Variants in TAFA1 observed in about 807,000 individuals in gnomAD.
The protein encoded by TAFA1 is chemokine-like protein TAFA-1.
In TAFA1, 4 loss-of-function variants were observed where a neutral mutation model predicts 18.5. The ratio of observed to expected loss-of-function variants is 0.22; its 90% CI spans 0.11 to 0.49. The LOEUF (loss-of-function observed/expected upper bound fraction) is 0.49. TAFA1 is among the 20% of genes least tolerant of loss of function. The pLI is 0.98. For synonymous variants in TAFA1, 56 were observed against 55.2 expected (o/e 1.01, Z -0.06); for missense variants, 147 against 169.0 (o/e 0.87, Z 0.72).
At chr3:68,442,845 CA>C (rs1444566394) in intron 3 of TAFA1, among the ~76,000 whole-genome samples, 1 of 152,160 alleles carries the variant, frequency 6.6e-6, no homozygotes, top group East Asian at 1.9e-4. Flanking sequence ...TTCTCTCCAT[CA>C]GATAGCTGAT....
At chr3:68,421,466 A>G (rs1000684993) in intron 3 of TAFA1, among the ~76,000 whole-genome samples, 6 of 152,306 alleles carry the variant, frequency 3.9e-5, no homozygotes, top group African/African-American at 1.4e-4. Flanking sequence ...ACTATAAATT[A>G]AAATTTCAGT....
intron 2 of TAFA1, among the ~76,000 whole-genome samples, chr3:68,287,160 G>A (rs1050598488): frequency 1.3e-5 from 2 of 152,070 alleles, no homozygotes; most frequent in Non-Finnish European, 2.9e-5. Flanking sequence ...CTTTCCTTTT[G>A]CTTTTCCTTA....
At chr3:68,372,943 G>C (rs905243400) in intron 2 of TAFA1, among the ~76,000 whole-genome samples, 1 of 152,132 alleles carries the variant, frequency 6.6e-6, no homozygotes, top group Non-Finnish European at 1.5e-5. Context: ...AAACAGGAAG[G>C]CCGCTGCCTG....
chr3:68,382,617 C>G (rs1559643555), intron 2 of TAFA1, among the ~76,000 whole-genome samples: 1 of 151,374 alleles, frequency 6.6e-6, no homozygotes, highest in Non-Finnish European at 1.5e-5. Flanking sequence ...TTTTGCAGCC[C>G]TGTATTATAG....
At chr3:68,534,911 C>T (rs1445696157) in intron 3 of TAFA1, among the ~76,000 whole-genome samples, 4 of 151,924 alleles carry the variant, frequency 2.6e-5, no homozygotes, top group African/African-American at 9.7e-5. Flanking sequence ...AAAAAGCTGA[C>T]CCCACTGGCG....
chr3:68,108,170 G>A (rs2065224344), intron 2 of TAFA1, among the ~76,000 whole-genome samples: 1 of 151,892 alleles, frequency 6.6e-6, no homozygotes, highest in Admixed American at 6.6e-5. Context: ...TGTGTCAAAT[G>A]GTATATAATA....
At chr3:68,370,115 C>G (rs1045865830) in intron 2 of TAFA1, among the ~76,000 whole-genome samples, 2 of 148,400 alleles carry the variant, frequency 1.3e-5, no homozygotes, top group African/African-American at 5.0e-5. Context: ...GGTGAAACCC[C>G]GTCTCTAATA....
At chr3:68,358,938 G>T (rs2106789575) in intron 2 of TAFA1, among the ~76,000 whole-genome samples, 1 of 152,068 alleles carries the variant, frequency 6.6e-6, no homozygotes, top group Non-Finnish European at 1.5e-5. Flanking sequence ...CATCCAACTT[G>T]ATTTAGAATT....
intron 2 of TAFA1, among the ~76,000 whole-genome samples, chr3:68,190,911 G>A (rs1045648446): frequency 6.6e-6 from 1 of 151,730 alleles, no homozygotes; most frequent in African/African-American, 2.4e-5. Context: ...CCATCCTGAG[G>A]CACAATTTTA....
At chr3:68,164,844 G>C (rs186766120) in intron 2 of TAFA1, among the ~76,000 whole-genome samples, 7 of 152,210 alleles carry the variant, frequency 4.6e-5, no homozygotes, top group Admixed American at 4.6e-4. Flanking sequence ...TTTAGTGGCT[G>C]TATAAACACC....
At chr3:68,426,098 A>AAT (rs145000462) in intron 3 of TAFA1, among the ~76,000 whole-genome samples, 5,768 of 151,972 alleles carry the variant, frequency 0.038, 384 homozygotes, top group African/African-American at 0.13. Flanking sequence ...TAATCAAAGT[A>AAT]ATATATATAA....
At chr3:68,063,197 G>C (rs905626257) in intron 2 of TAFA1, among the ~76,000 whole-genome samples, 5 of 152,188 alleles carry the variant, frequency 3.3e-5, no homozygotes, top group Admixed American at 1.3e-4. Flanking sequence ...AAAAGGAAAA[G>C]TGTGAATCAA....
At chr3:68,227,682 C>A (rs1349668059) in intron 2 of TAFA1, among the ~76,000 whole-genome samples, 1 of 152,210 alleles carries the variant, frequency 6.6e-6, no homozygotes, top group African/African-American at 2.4e-5. Context: ...ATATTATGGA[C>A]TAGACTGTTG....
intron 2 of TAFA1, among the ~76,000 whole-genome samples, chr3:68,271,758 C>G (rs1417608570): frequency 6.6e-6 from 1 of 151,834 alleles, no homozygotes; most frequent in East Asian, 1.9e-4. Context: ...ACCTGTATTT[C>G]ATCTCCCCCC....
chr3:68,223,601 A>G (rs7635216), intron 2 of TAFA1, among the ~76,000 whole-genome samples: 2,100 of 152,112 alleles, frequency 0.014, 58 homozygotes, highest in African/African-American at 0.048. Flanking sequence ...TTTTACCTAC[A>G]GAGAGGCACA....
At chr3:68,463,946 TCTA>T (rs2071833916) in intron 3 of TAFA1, among the ~76,000 whole-genome samples, 1 of 152,182 alleles carries the variant, frequency 6.6e-6, no homozygotes, top group Admixed American at 6.5e-5. Context: ...TGGATTAAAA[TCTA>T]CTCATTAAAT....
intron 2 of TAFA1, among the ~76,000 whole-genome samples, chr3:68,326,945 C>A (rs1374009415): frequency 2.0e-5 from 3 of 152,104 alleles, no homozygotes; most frequent in Non-Finnish European, 4.4e-5. Context: ...GTGTCCCCAC[C>A]CAAATCTCAT....
At chr3:68,047,120 A>C (rs563506275) in intron 2 of TAFA1, among the ~76,000 whole-genome samples, 173 of 152,304 alleles carry the variant, frequency 1.1e-3, no homozygotes, top group Non-Finnish European at 2.1e-3. Flanking sequence ...AGGGTAGGCA[A>C]GCTACAGATG....
intron 2 of TAFA1, among the ~76,000 whole-genome samples, chr3:68,379,729 T>C (rs1311026274): frequency 6.6e-6 from 1 of 151,858 alleles, no homozygotes; most frequent in Non-Finnish European, 1.5e-5. Context: ...AGTTGATTTT[T>C]TTTTTTGAGT....
Sources: gnomAD v4.1 joint callset for allele counts (sites outside exome capture counted in the v4.1 genomes callset) on GRCh38, gnomAD v4.1.1 for gene constraint, MANE v1.5 for transcripts, NCBI Gene and HGNC (gene_info 2026-07-23, HGNC 2026-07-21) for gene names.